URI1: variants seen among roughly 807,000 people sequenced by gnomAD.
URI1 encodes URI1 prefoldin like chaperone, also known as unconventional prefoldin RPB5 interactor 1.
A neutral mutation model predicts 60.2 loss-of-function variants in URI1; 39 were observed. The observed-to-expected ratio is 0.65, with a 90% CI of 0.50 to 0.85. The LOEUF is 0.85. Among genes scored for constraint, URI1 ranks in the 40% least tolerant of loss-of-function variants. The pLI, the probability that URI1 is intolerant of heterozygous loss-of-function variation, is 0.00. For missense variants in URI1, 691 were observed against 665.9 expected (o/e 1.04, Z -0.42); for synonymous variants, 251 against 236.8 (o/e 1.06, Z -0.55).
rs35842559 is a variant in URI1, at chr19:29,930,861, C to CT, written c.63+7123dup. 4.4e-3 allele frequency among the ~76,000 whole-genome samples: 574 copies of CT among 131,076 alleles called. 7 individuals carry two copies. Among genetic ancestry groups the CT allele is most frequent in the African/African-American group, 0.014 (514 of 36,572 alleles). 86.0% of individuals were successfully genotyped at this position (131,076 alleles called of 152,430 possible). A position where few individuals can be genotyped will look rare whatever the true frequency, so the allele number is the denominator to read the frequency against. ...TACTACTAACTGCCACCATGCCTGT[C>CT]TTTTTTTTTTTTTTTTCTGTAGTTT... is the stretch of plus-strand genomic sequence containing the variant. On this transcript the variant is annotated intron_variant, in intron 1 of 10. Transcript: ENST00000360605.
upstream of URI1, among the ~76,000 whole-genome samples, chr19:29,939,056 C>A (rs1176219877): frequency 6.6e-6 from 1 of 150,782 alleles, no homozygotes; most frequent in African/African-American, 2.4e-5. Context: ...CGGCTCACTG[C>A]AACCTCCACT....
chr19:29,955,661 C>CTTTTTTT (rs11330190), intron 1 of URI1, among the ~76,000 whole-genome samples: 1 of 147,716 alleles, frequency 6.8e-6, no homozygotes. Context: ...TTTTTCTTTT[C>CTTTTTTT]TTTTTTTTTT....
intron 1 of URI1, chr19:29,925,976 G>C (rs1269265163): frequency 6.6e-6 from 1 of 152,280 alleles, no homozygotes; most frequent in Non-Finnish European, 1.5e-5. Flanking sequence ...TTGGAATAGT[G>C]GTTACCAGGA....
At chr19:30,002,006 G>A (rs1312861158) in intron 4 of URI1, among the ~76,000 whole-genome samples, 27 of 151,950 alleles carry the variant, frequency 1.8e-4, no homozygotes, top group Non-Finnish European at 4.4e-5. Context: ...GGCACGTCCT[G>A]TTGAAGCTGT....
intron 1 of URI1, among the ~76,000 whole-genome samples, chr19:29,944,054 A>G (rs2055065829): frequency 6.8e-6 from 1 of 146,276 alleles, no homozygotes; most frequent in African/African-American, 2.5e-5. Context: ...TGAGAGGATC[A>G]CTTGAGCTCA....
intron 4 of URI1, among the ~76,000 whole-genome samples, chr19:29,990,658 A>G (rs2145391333): frequency 6.6e-6 from 1 of 152,346 alleles, no homozygotes; most frequent in South Asian, 2.1e-4. Flanking sequence ...TGAAATATTC[A>G]GAAAAGGTAA....
chr19:29,982,917 C>T lies in URI1; in HGVS notation c.153-2306C>T, dbSNP rs1000457708. 2.6e-5 allele frequency among the ~76,000 whole-genome samples: 4 copies of T among 152,058 alleles called. No homozygotes were observed. In the South Asian group the frequency reaches 6.2e-4, roughly 24 times the overall value. On this transcript the variant is annotated intron_variant, in intron 2 of 10. Coordinates refer to ENST00000392271, the MANE Select transcript of URI1 (RefSeq NM_003796.3). The stretch of plus-strand genomic sequence containing the variant: ...TTGAACCTGTGAGATAAGTATTAGT[C>T]CAATTTTGCCATTGAAGTTACTAAG...
chr19:30,015,040 AAAG>A lies in URI1; in HGVS notation c.1580_1582del (p.Lys527_Ala528delinsThr). ...AACTGGAAAGAGGGTTTCAAAGTTT[AAAG>A]CTGCCAGATTGCAACAGAAAGACTA... On this transcript the variant is annotated inframe_deletion, in exon 11 of 11. Transcript: ENST00000392271. 6.2e-7 allele frequency: 1 copy of A among 1,613,640 alleles called. No individual in the cohort carries two copies. The highest frequency in any genetic ancestry group is 8.5e-7 in the Non-Finnish European group (1 of 1,179,650).
chr19:29,954,779 A>C (rs1191409964), intron 1 of URI1, among the ~76,000 whole-genome samples: 2 of 151,926 alleles, frequency 1.3e-5, no homozygotes, highest in Admixed American at 1.3e-4. Context: ...CAGCCTCCCA[A>C]AGTGCTAGGA....
chr19:29,981,610 T>G (rs1366840222), intron 2 of URI1, among the ~76,000 whole-genome samples: 2 of 152,156 alleles, frequency 1.3e-5, no homozygotes, highest in Middle Eastern at 3.2e-3. Flanking sequence ...AGTTCTTGTT[T>G]TGTATAAGGA....
rs772065991 is a variant in URI1 at position 29,986,272 on chromosome 19, T to A, written c.232-10T>A. On this transcript the variant is annotated splice_polypyrimidine_tract_variant and intron_variant, in intron 3 of 10. Transcript: ENST00000392271. ...GTTTTTTCCCTTTTTTCTTTTTTTT[T>A]AAACAATAGGTACCATTTGGCCCTT... 4.5e-6 allele frequency: 7 copies of A among 1,540,632 alleles called. No individual in the cohort carries two copies. The highest frequency in any genetic ancestry group is 4.9e-5 in the Admixed American group (2 of 40,706).
chr19:29,942,263 C>G lies in URI1; in HGVS notation c.-285C>G, dbSNP rs1424679600. ...CGTGTGGGGAGGCGCGGCCGCCACG[C>G]GACGCCTGGCTGGGCCCGCACCGGA... is the stretch of plus-strand genomic sequence containing the variant. On this transcript the variant is annotated 5_prime_UTR_variant, in exon 1 of 11. Coordinates refer to ENST00000392271, the MANE Select transcript of URI1 (RefSeq NM_003796.3). The G allele has an allele frequency of 3.0e-6, 3 of 984,508 alleles. No individual in the cohort carries two copies. In the African/African-American group the frequency reaches 5.3e-5, roughly 17 times the overall value. The allele number at this position is 984,508 out of a possible 1,614,324, so 61.0% of individuals were successfully genotyped here.
intron 4 of URI1, among the ~76,000 whole-genome samples, chr19:29,997,600 T>C (rs900739258): frequency 6.6e-6 from 1 of 151,792 alleles, no homozygotes; most frequent in African/African-American, 2.4e-5. Flanking sequence ...AGTTTACTCT[T>C]TCTTTTTTTT....
intron 1 of URI1, among the ~76,000 whole-genome samples, chr19:29,924,851 T>C (rs1252539390): frequency 6.6e-6 from 1 of 152,246 alleles, no homozygotes; most frequent in African/African-American, 2.4e-5. Context: ...TTTTAATTTT[T>C]TTTAGATGAA....
chr19:29,959,835 A>G (rs1171435475), intron 1 of URI1, among the ~76,000 whole-genome samples: 2 of 150,952 alleles, frequency 1.3e-5, no homozygotes, highest in East Asian at 1.9e-4. Flanking sequence ...TCTGCTTTCT[A>G]CTTTACTGAT....
intron 2 of URI1, among the ~76,000 whole-genome samples, chr19:29,979,584 G>T (rs1291163113): frequency 6.6e-6 from 1 of 152,106 alleles, no homozygotes; most frequent in Admixed American, 6.5e-5. Context: ...AAGTTAAATT[G>T]AAGAAATCTA....
chr19:29,937,503 C>T (rs2054983666), upstream of URI1: 3 of 152,168 alleles, frequency 2.0e-5, no homozygotes. Flanking sequence ...AGATTCTCCT[C>T]CTCTTCAGGG....
chr19:29,982,790 G>GT (rs1166738384), intron 2 of URI1, among the ~76,000 whole-genome samples: 1 of 152,100 alleles, frequency 6.6e-6, no homozygotes, highest in Non-Finnish European at 1.5e-5. Context: ...TGGAATTGAT[G>GT]TTTTTTGATG....
chr19:30,011,210 C>T lies in URI1; in HGVS notation c.1152C>T (p.Thr384=), dbSNP rs2056014573. ...GSGHSAQELP[T]IRTPADIYRA... ...GCCACTCTGCCCAGGAGCTGCCGAC[C>T]ATCAGGACGCCTGCAGACATTTACA... Residue 384 remains threonine (T), a synonymous_variant, in exon 9 of 11, where the codon ACC becomes ACT. Coordinates refer to ENST00000392271, the MANE Select transcript of URI1 (RefSeq NM_003796.3). The T allele has an allele frequency of 6.2e-7, 1 of 1,609,338 alleles. No homozygotes were observed. The highest frequency in any genetic ancestry group is 1.1e-5 in the South Asian group (1 of 90,102).
Sources: gnomAD v4.1 joint callset for allele counts (sites outside exome capture counted in the v4.1 genomes callset) on GRCh38, gnomAD v4.1.1 for gene constraint, MANE v1.5 for transcripts, NCBI Gene and HGNC (gene_info 2026-07-23, HGNC 2026-07-21) for gene names.